SLC13A3: variants seen among roughly 807,000 people sequenced by gnomAD.
SLC13A3 encodes Na(+)/dicarboxylate cotransporter 3.
A neutral mutation model predicts 59.0 loss-of-function variants in SLC13A3; 40 were observed. That is an observed-to-expected ratio of 0.68 (90% CI 0.53 to 0.88). The LOEUF (loss-of-function observed/expected upper bound fraction) is 0.88. SLC13A3 is among the 40% of genes least tolerant of loss of function. SLC13A3 has a pLI of 0.00. For synonymous variants in SLC13A3, 317 were observed against 330.3 expected (o/e 0.96, Z 0.44); for missense variants, 699 against 783.2 (o/e 0.89, Z 1.28).
At chr20:46,576,761 A>G (rs2062080649) in intron 9 of SLC13A3, among the ~76,000 whole-genome samples, 2 of 152,140 alleles carry the variant, frequency 1.3e-5, no homozygotes, top group Admixed American at 1.3e-4. Context: ...GCAGTTTACC[A>G]TCTCCCAGGA....
At chr20:46,624,935 GA>G (rs1024048908) in intron 1 of SLC13A3, among the ~76,000 whole-genome samples, 3 of 151,820 alleles carry the variant, frequency 2.0e-5, no homozygotes, top group East Asian at 3.9e-4. Context: ...GCAGCCAGGG[GA>G]AAAAAAACCC....
chr20:46,646,934 C>T (rs190998167), intron 1 of SLC13A3, among the ~76,000 whole-genome samples: 81 of 152,252 alleles, frequency 5.3e-4, no homozygotes, highest in Non-Finnish European at 1.3e-4. Context: ...ATGAAAGGAC[C>T]ATCTTCCTGG....
At chr20:46,670,726 C>A (rs2063086242), upstream of SLC13A3, among the ~76,000 whole-genome samples, 3 of 152,146 alleles carry the variant, frequency 2.0e-5, no homozygotes, top group Admixed American at 2.0e-4. Context: ...GCAGAAGAAC[C>A]ACCCAACTGA....
chr20:46,631,625 C>G, intron 1 of SLC13A3, among the ~76,000 whole-genome samples: 1 of 152,214 alleles, frequency 6.6e-6, no homozygotes, highest in Middle Eastern at 3.4e-3. Flanking sequence ...AACTCAGCCC[C>G]GCTCACACCC....
intron 2 of SLC13A3, among the ~76,000 whole-genome samples, chr20:46,612,551 G>A (rs151175028): frequency 3.3e-5 from 5 of 151,912 alleles, no homozygotes; most frequent in African/African-American, 4.8e-5. Context: ...CGGTCTTGCC[G>A]TTTGCGGTGT....
chr20:46,656,450 C>T (rs2062993788), upstream of SLC13A3, among the ~76,000 whole-genome samples: 1 of 78,858 alleles, frequency 1.3e-5, no homozygotes, highest in African/African-American at 4.9e-5. Flanking sequence ...ATATATTATA[C>T]TGTATATGAT....
chr20:46,630,992 T>C (rs2425885), intron 1 of SLC13A3, among the ~76,000 whole-genome samples: 15,684 of 152,254 alleles, frequency 0.1, 871 homozygotes, highest in African/African-American at 0.15. Context: ...TCAATACATA[T>C]GATATATTGT....
chr20:46,621,756 A>T (rs961027067), intron 1 of SLC13A3, among the ~76,000 whole-genome samples: 4 of 152,250 alleles, frequency 2.6e-5, no homozygotes, highest in African/African-American at 7.2e-5. Context: ...GTCACATGAT[A>T]TCTTCCCAAG....
chr20:46,646,263 G>A (rs1023541062), intron 1 of SLC13A3, among the ~76,000 whole-genome samples: 4 of 152,176 alleles, frequency 2.6e-5, no homozygotes, highest in African/African-American at 9.6e-5. Context: ...AGGAGTGACC[G>A]AAGTAGTGTT....
At chr20:46,610,231 T>C (rs1295110623) in intron 3 of SLC13A3, among the ~76,000 whole-genome samples, 1 of 152,254 alleles carries the variant, frequency 6.6e-6, no homozygotes, top group Non-Finnish European at 1.5e-5. Flanking sequence ...CACTGCTCAG[T>C]ATACAGTATG....
intron 10 of SLC13A3, among the ~76,000 whole-genome samples, chr20:46,574,814 G>A (rs1189438748): frequency 1.3e-5 from 2 of 148,302 alleles, no homozygotes; most frequent in African/African-American, 2.5e-5. Flanking sequence ...ATGAGTTAAC[G>A]TGTAAAGCAT....
chr20:46,588,627 C>G (rs2062219349), intron 7 of SLC13A3, among the ~76,000 whole-genome samples: 1 of 152,048 alleles, frequency 6.6e-6, no homozygotes, highest in African/African-American at 2.4e-5. Flanking sequence ...AGAGAGGGGA[C>G]AGACCTGGAG....
At chr20:46,682,951 G>C (rs2063160468) in intron 1 of SLC13A3, among the ~76,000 whole-genome samples, 1 of 152,164 alleles carries the variant, frequency 6.6e-6, no homozygotes, top group East Asian at 1.9e-4. Context: ...GGAATCCACT[G>C]TTCACCTAGG....
chr20:46,589,250 C>T lies in SLC13A3; in HGVS notation c.926G>A (p.Trp309Ter). The change falls in exon 7 of 13, where the codon TGG (tryptophan) becomes TAG (stop). Residue 309 changes from tryptophan (W) to a stop codon, truncating the protein, a stop_gained. Coordinates refer to ENST00000279027, the MANE Select transcript of SLC13A3 (RefSeq NM_022829.6). LOFTEE classifies it high-confidence loss of function. ...FLYGGLSFRG[W>*]RKNKSEIRTN... ...TCTTATCTCAGATTTATTCTTCCTC[C>T]AGCCCCTGAAACAGAAAGTGGGAGA... 1.9e-6 allele frequency: 3 copies of T among 1,614,110 alleles called. No homozygotes were observed. The highest frequency in any genetic ancestry group is 2.5e-6 in the Non-Finnish European group (3 of 1,179,968).
intron 1 of SLC13A3, among the ~76,000 whole-genome samples, chr20:46,664,828 A>AG (rs2063052795): frequency 6.6e-6 from 1 of 152,212 alleles, no homozygotes; most frequent in Non-Finnish European, 1.5e-5. Context: ...GAAGCATTCC[A>AG]GGAAGAAAGA....
chr20:46,644,862 C>A (rs1443078667), intron 1 of SLC13A3, among the ~76,000 whole-genome samples: 1 of 152,212 alleles, frequency 6.6e-6, no homozygotes, highest in Non-Finnish European at 1.5e-5. Flanking sequence ...GGCTAAACTT[C>A]CCAGCCGCTC....
chr20:46,658,411 G>C (rs1418371553), intron 1 of SLC13A3, among the ~76,000 whole-genome samples: 1 of 152,184 alleles, frequency 6.6e-6, no homozygotes, highest in Non-Finnish European at 1.5e-5. Flanking sequence ...GTGTTCTGCT[G>C]ACTGTGGTGG....
At chr20:46,656,149 T>C (rs1217797665), upstream of SLC13A3, among the ~76,000 whole-genome samples, 2 of 143,852 alleles carry the variant, frequency 1.4e-5, no homozygotes, top group African/African-American at 5.0e-5. Context: ...TATTATACTG[T>C]ATGTAATAGA....
intron 9 of SLC13A3, among the ~76,000 whole-genome samples, chr20:46,579,771 C>T (rs1210930925): frequency 6.6e-6 from 1 of 152,198 alleles, no homozygotes; most frequent in Non-Finnish European, 1.5e-5. Context: ...ATATTTAAAA[C>T]CAGGGAGATT....
Sources: gnomAD v4.1 joint callset for allele counts (sites outside exome capture counted in the v4.1 genomes callset) on GRCh38, gnomAD v4.1.1 for gene constraint, MANE v1.5 for transcripts, NCBI Gene and HGNC (gene_info 2026-07-23, HGNC 2026-07-21) for gene names.